Variants in FAM217A observed in about 807,000 individuals in gnomAD.
FAM217A encodes protein FAM217A.
A neutral mutation model predicts 18.5 loss-of-function variants in FAM217A; 13 were observed. That is an observed-to-expected ratio of 0.70 (90% CI 0.46 to 1.12). FAM217A has a LOEUF of 1.12. FAM217A is among the 50% of genes most tolerant of loss of function. FAM217A has a pLI of 0.00. For synonymous variants in FAM217A, 161 were observed against 202.8 expected (o/e 0.79, Z 1.75); for missense variants, 560 against 575.4 (o/e 0.97, Z 0.27).
At chr6:4,073,997 T>C (rs1212142690) in intron 4 of FAM217A, among the ~76,000 whole-genome samples, 2 of 152,078 alleles carry the variant, frequency 1.3e-5, no homozygotes, top group Non-Finnish European at 2.9e-5. Context: ...ACTACAGCTA[T>C]GTGCCACCAT....
chr6:4,068,511 C>A lies in FAM217A; in HGVS notation c.*185G>T. 1.9e-6 allele frequency: 1 copy of A among 540,134 alleles called. No individual in the cohort carries two copies. The highest frequency in any genetic ancestry group is 3.1e-6 in the Non-Finnish European group (1 of 319,716). 33.5% of individuals were successfully genotyped at this position (540,134 alleles called of 1,614,324 possible). A position where few individuals can be genotyped will look rare whatever the true frequency, so the allele number is the denominator to read the frequency against. On this transcript the variant is annotated 3_prime_UTR_variant, in exon 7 of 7. Transcript: ENST00000274673. ...TTGTGAAATATGTCAGTATAGAAGC[C>A]TGTGGGTTTATATATAGACATCTCA... is the stretch of plus-strand genomic sequence containing the variant.
chr6:4,084,230 C>T (rs1770493411), intron 2 of FAM217A, among the ~76,000 whole-genome samples: 1 of 152,116 alleles, frequency 6.6e-6, no homozygotes, highest in Non-Finnish European at 1.5e-5. Context: ...ATAGCAATGT[C>T]CTATTTGGGA....
rs770342588 is a variant in FAM217A, at chr6:4,069,709, T to C, written c.514A>G (p.Thr172Ala). 2 of 1,614,076 alleles carry C rather than the reference T, an allele frequency of 1.2e-6. No homozygotes were observed. The highest frequency in any genetic ancestry group is 1.7e-6 in the Non-Finnish European group (2 of 1,180,030). The change falls in exon 7 of 7, where the codon ACT becomes GCT. Residue 172 changes from threonine to alanine, a missense_variant. Coordinates refer to ENST00000274673, the MANE Select transcript of FAM217A (RefSeq NM_173563.3). ...GTTTCACCATCATTGTTTTCTATAG[T>C]TGAACATGAACTAACATGAATCTCA... is the stretch of plus-strand genomic sequence containing the variant. ...RNEIHVSSCS[T>A]IENNDGETLP... is the part of the protein sequence containing the mutation.
chr6:4,078,782 T>TG, intron 1 of FAM217A, 70 bp downstream of exon 1: 1 of 422,688 alleles, frequency 2.4e-6, no homozygotes, highest in Non-Finnish European at 4.2e-6. Flanking sequence ...CCGGACTGGG[T>TG]GGGGAGCCCA....
At chr6:4,076,987 T>G (rs1477390054) in intron 2 of FAM217A, among the ~76,000 whole-genome samples, 4 of 152,204 alleles carry the variant, frequency 2.6e-5, no homozygotes, top group African/African-American at 7.2e-5. Context: ...GCAAATTTCT[T>G]AAGAGTTGGG....
chr6:4,081,103 A>T (rs1457560167), upstream of FAM217A, among the ~76,000 whole-genome samples: 1 of 152,182 alleles, frequency 6.6e-6, no homozygotes, highest in Non-Finnish European at 1.5e-5. Context: ...CCTGGCATGT[A>T]CTGTAGTAGG....
chr6:4,077,449 C>A lies in FAM217A; in HGVS notation c.-34-1G>T, dbSNP rs769001419. The A allele has an allele frequency of 1.2e-6, 2 of 1,611,326 alleles. No homozygotes were observed. Among genetic ancestry groups the A allele is most frequent in the Admixed American group, 3.3e-5 (2 of 60,006 alleles). On this transcript the variant is annotated splice_acceptor_variant, in intron 1 of 6. Transcript: ENST00000274673. LOFTEE classifies it low-confidence loss of function (5UTR_SPLICE). Reference sequence around the variant, plus strand: ...GCTGTTGCTCTGTTTCCTTAAAATCCTACACAGATTGCGGGATAGGCACAT... The same window carrying A: ...GCTGTTGCTCTGTTTCCTTAAAATCATACACAGATTGCGGGATAGGCACAT...
intron 1 of FAM217A, 91 bp downstream of exon 1, chr6:4,078,761 C>G (rs1350179256): frequency 1.2e-5 from 5 of 412,744 alleles, no homozygotes; most frequent in Non-Finnish European, 2.2e-5. Flanking sequence ...CCTTTTCCTC[C>G]TGAGCTGTGG....
upstream of FAM217A, chr6:4,079,802 G>A (rs1770152088): frequency 6.2e-6 from 3 of 481,380 alleles, no homozygotes; most frequent in Non-Finnish European, 9.0e-6. Context: ...AAGCTCATCC[G>A]GTCAGTTTCA....
At chr6:4,079,717 C>T, upstream of FAM217A, 1 of 1,126,476 alleles carries the variant, frequency 8.9e-7, no homozygotes, top group Non-Finnish European at 1.2e-6. Flanking sequence ...AATATATACG[C>T]ATTGATACAT....
At chr6:4,077,315 C>G (rs1769880753) in intron 2 of FAM217A, 40 bp downstream of exon 2, 1 of 1,606,686 alleles carries the variant, frequency 6.2e-7, no homozygotes, top group African/African-American at 1.3e-5. Context: ...GCAACAGGAG[C>G]CGCTGCCCAA....
chr6:4,070,977 C>T (rs1197258672), intron 6 of FAM217A, among the ~76,000 whole-genome samples: 1 of 148,766 alleles, frequency 6.7e-6, no homozygotes, highest in Non-Finnish European at 1.5e-5. Context: ...GCCTGGGTGA[C>T]AGAATGAGGC....
intron 6 of FAM217A, among the ~76,000 whole-genome samples, chr6:4,071,995 G>A (rs1769444431): frequency 6.6e-6 from 1 of 152,106 alleles, no homozygotes; most frequent in African/African-American, 2.4e-5. Flanking sequence ...TTTCCAAGAA[G>A]CCTTCTAGCT....
In FAM217A at chr6:4,069,390, G is replaced by A. The variant is rs545854375; in HGVS notation, c.833C>T (p.Pro278Leu). Reference sequence around the variant, plus strand: ...CAAGTGTTCAACAGAGGTTTCTGCAGGGTCCACTGTCACTTTCCAATTGTC... The same window carrying A: ...CAAGTGTTCAACAGAGGTTTCTGCAAGGTCCACTGTCACTTTCCAATTGTC... ...KSDNWKVTVD[P>L]AETSVEHLIT... The change falls in exon 7 of 7, where the codon CCT (proline) becomes CTT (leucine). Residue 278 changes from proline (P) to leucine (L), a missense_variant. By Grantham distance (98) the Pro-to-Leu change is moderately conservative. Coordinates refer to ENST00000274673, the MANE Select transcript of FAM217A (RefSeq NM_173563.3). The A allele has an allele frequency of 5.0e-6, 8 of 1,614,156 alleles. No homozygotes were observed. In the African/African-American group the frequency reaches 9.3e-5, roughly 19 times the overall value.
chr6:4,084,864 A>G (rs1581908867), intron 1 of FAM217A: 2 of 690,052 alleles, frequency 2.9e-6, no homozygotes, highest in East Asian at 5.4e-5. Flanking sequence ...ATAAAAGATC[A>G]GCCTAACTAG....
At chr6:4,072,715 T>C (rs984195999) in intron 6 of FAM217A, among the ~76,000 whole-genome samples, 4 of 151,608 alleles carry the variant, frequency 2.6e-5, no homozygotes, top group African/African-American at 7.3e-5. Flanking sequence ...TGAGCTGAGA[T>C]TGCATCTTTG....
chr6:4,081,883 G>A (rs188265975), upstream of FAM217A, among the ~76,000 whole-genome samples: 1 of 152,150 alleles, frequency 6.6e-6, no homozygotes, highest in Non-Finnish European at 1.5e-5. Context: ...TTGTGTTTCT[G>A]TTCATGCCTT....
chr6:4,083,727 T>C (rs1020462462), upstream of FAM217A, among the ~76,000 whole-genome samples: 25 of 152,084 alleles, frequency 1.6e-4, no homozygotes, highest in Non-Finnish European at 3.1e-4. Context: ...AATTTTTTTG[T>C]ATTTATAGTA....
Position 4,085,608 on chromosome 6 carries a change from T to A in FAM217A, c.19-798A>T, listed in dbSNP as rs527959157. On this transcript the variant is annotated intron_variant, in intron 1 of 8. Coordinates refer to the FAM217A transcript ENST00000639338. The stretch of plus-strand genomic sequence containing the variant: ...GAAGGTTTAGAGGAATGCACTCAAC[T>A]TTGCCTGGAAGAAAGAAGCTGGGGA... Among the ~76,000 whole-genome samples, 33 of 152,262 alleles carry A rather than the reference T, an allele frequency of 2.2e-4. No homozygotes were observed. The East Asian group carries it at 6.0e-3, about 28-fold the overall frequency.
Sources: gnomAD v4.1 joint callset for allele counts (sites outside exome capture counted in the v4.1 genomes callset) on GRCh38, gnomAD v4.1.1 for gene constraint, MANE v1.5 for transcripts, NCBI Gene and HGNC (gene_info 2026-07-23, HGNC 2026-07-21) for gene names.